The following SHISA6 variants were observed in gnomAD, a reference collection of about 807,000 sequenced individuals.
SHISA6 encodes the protein shisa family member 6, also known as protein shisa-6.
In SHISA6, 22 loss-of-function variants were observed where a neutral mutation model predicts 47.9. The observed-to-expected ratio is 0.46, with a 90% CI of 0.33 to 0.66. SHISA6 has a LOEUF of 0.66. Among genes scored for constraint, SHISA6 ranks in the 30% least tolerant of loss-of-function variants. The pLI, the probability that SHISA6 is intolerant of heterozygous loss-of-function variation, is 0.02. For missense variants in SHISA6, 680 were observed against 764.6 expected (o/e 0.89, Z 1.30); for synonymous variants, 388 against 337.8 (o/e 1.15, Z -1.63).
intron 3 of SHISA6, among the ~76,000 whole-genome samples, chr17:11,500,364 G>A (rs2071441265): frequency 6.6e-6 from 1 of 152,186 alleles, no homozygotes; most frequent in Non-Finnish European, 1.5e-5. Flanking sequence ...CCTTCCCATT[G>A]CAGTCTCTGT....
At chr17:11,360,971 C>T (rs5011958) in intron 2 of SHISA6, among the ~76,000 whole-genome samples, 68,054 of 148,718 alleles carry the variant, frequency 0.46, 15,754 homozygotes, top group Middle Eastern at 0.53. Flanking sequence ...TCTTTGTTTT[C>T]TTTTTCCCCC....
intron 3 of SHISA6, among the ~76,000 whole-genome samples, chr17:11,498,044 G>A (rs1168406475): frequency 6.6e-6 from 1 of 152,214 alleles, no homozygotes; most frequent in African/African-American, 2.4e-5. Context: ...GAAGAAAGGA[G>A]TGGGAACTGG....
chr17:11,464,954 A>AC, intron 3 of SHISA6, among the ~76,000 whole-genome samples: 1 of 144,158 alleles, frequency 6.9e-6, no homozygotes, highest in South Asian at 2.2e-4. Context: ...AAAAAAAAAA[A>AC]CCCTTTTATA....
chr17:11,360,616 A>C (rs1231149284), intron 2 of SHISA6, among the ~76,000 whole-genome samples: 1 of 151,426 alleles, frequency 6.6e-6, no homozygotes, highest in East Asian at 1.9e-4. Context: ...AACATCACAC[A>C]CCGGGGCCTG....
At chr17:11,264,006 A>G (rs1437377227) in intron 2 of SHISA6, among the ~76,000 whole-genome samples, 3 of 152,156 alleles carry the variant, frequency 2.0e-5, no homozygotes, top group Non-Finnish European at 4.4e-5. Context: ...TGCTCTGTAG[A>G]TTCCCTGGAT....
At chr17:11,436,942 G>A (rs901107217) in intron 3 of SHISA6, among the ~76,000 whole-genome samples, 2 of 152,112 alleles carry the variant, frequency 1.3e-5, no homozygotes, top group Non-Finnish European at 2.9e-5. Flanking sequence ...AAGCTAAAAG[G>A]CCTGGGAGAA....
At chr17:11,453,154 G>C (rs911997691) in intron 3 of SHISA6, among the ~76,000 whole-genome samples, 1 of 152,130 alleles carries the variant, frequency 6.6e-6, no homozygotes, top group African/African-American at 2.4e-5. Flanking sequence ...AAGAGGCCCA[G>C]GGATGTTGAA....
chr17:11,394,936 G>GT (rs1322265813), intron 3 of SHISA6, among the ~76,000 whole-genome samples: 1 of 137,654 alleles, frequency 7.3e-6, no homozygotes, highest in Non-Finnish European at 1.6e-5. Flanking sequence ...TTTTATAATT[G>GT]TTTTTCTGAA....
intron 2 of SHISA6, among the ~76,000 whole-genome samples, chr17:11,321,887 A>G (rs1373926612): frequency 2.0e-5 from 3 of 152,064 alleles, no homozygotes; most frequent in African/African-American, 4.8e-5. Context: ...TTTTCAGCTC[A>G]TCAGCTATTG....
chr17:11,543,877 G>T (rs181269225), intron 3 of SHISA6, among the ~76,000 whole-genome samples: 1 of 118,230 alleles, frequency 8.5e-6, no homozygotes, highest in African/African-American at 3.3e-5. Context: ...TCTTTTTAAA[G>T]AAGTGATTCT....
intron 3 of SHISA6, among the ~76,000 whole-genome samples, chr17:11,412,950 A>G (rs905521094): frequency 6.6e-6 from 1 of 152,132 alleles, no homozygotes; most frequent in Non-Finnish European, 1.5e-5. Flanking sequence ...GTCACTTTCT[A>G]ACATTAGTGA....
At chr17:11,523,492 C>A (rs1171609546) in intron 3 of SHISA6, among the ~76,000 whole-genome samples, 2 of 152,086 alleles carry the variant, frequency 1.3e-5, no homozygotes, top group African/African-American at 2.4e-5. Context: ...AAAGCTGGAG[C>A]CAGAAGTCAA....
intron 5 of SHISA6, among the ~76,000 whole-genome samples, chr17:11,556,159 T>TC (rs2071977519): frequency 6.6e-6 from 1 of 152,134 alleles, no homozygotes; most frequent in Admixed American, 6.5e-5. Flanking sequence ...ATGCACCAGT[T>TC]TAACTGCGGG....
chr17:11,434,180 C>A (rs1470777758), intron 3 of SHISA6, among the ~76,000 whole-genome samples: 1 of 151,558 alleles, frequency 6.6e-6, no homozygotes, highest in Non-Finnish European at 1.5e-5. Flanking sequence ...TCTCCCACCT[C>A]AGCCTCCTGA....
At chr17:11,264,147 T>C (rs903510665) in intron 2 of SHISA6, among the ~76,000 whole-genome samples, 6 of 152,224 alleles carry the variant, frequency 3.9e-5, no homozygotes, top group African/African-American at 1.4e-4. Context: ...CAAAGAAATT[T>C]AGTAACTTGA....
intron 3 of SHISA6, among the ~76,000 whole-genome samples, chr17:11,506,051 C>G (rs1032058504): frequency 1.1e-4 from 17 of 152,156 alleles, no homozygotes; most frequent in African/African-American, 3.9e-4. Flanking sequence ...ACTCCTAATG[C>G]AGATTTCCAC....
intron 2 of SHISA6, among the ~76,000 whole-genome samples, chr17:11,311,978 G>A (rs994578946): frequency 6.6e-6 from 1 of 152,038 alleles, no homozygotes; most frequent in African/African-American, 2.4e-5. Flanking sequence ...GTTTTGCCAT[G>A]TTGTCCAGGT....
chr17:11,292,622 T>C (rs1597443621), intron 2 of SHISA6, among the ~76,000 whole-genome samples: 1 of 151,850 alleles, frequency 6.6e-6, no homozygotes, highest in Admixed American at 6.6e-5. Flanking sequence ...GAGGATTATA[T>C]TGAGCAACGG....
At chr17:11,285,962 G>A (rs1171933581) in intron 2 of SHISA6, among the ~76,000 whole-genome samples, 1 of 151,662 alleles carries the variant, frequency 6.6e-6, no homozygotes, top group Non-Finnish European at 1.5e-5. Flanking sequence ...TCAGCCTCCT[G>A]AATAGCTGGG....
Sources: gnomAD v4.1 joint callset for allele counts (sites outside exome capture counted in the v4.1 genomes callset) on GRCh38, gnomAD v4.1.1 for gene constraint, MANE v1.5 for transcripts, NCBI Gene and HGNC (gene_info 2026-07-23, HGNC 2026-07-21) for gene names.